Variants in KLF12 observed in about 807,000 individuals in gnomAD.
The protein encoded by KLF12 is KLF transcription factor 12.
In KLF12, 9 loss-of-function variants were observed where a neutral mutation model predicts 37.8. The observed-to-expected ratio is 0.24, with a 90% confidence interval of 0.14 to 0.42. The LOEUF is 0.42. KLF12 is among the 10% of genes least tolerant of loss of function. The probability of loss-of-function intolerance (pLI) is 1.00; values close to 1 mark genes in which losing one functional copy is unlikely to be tolerated. For missense variants in KLF12, 411 were observed against 516.0 expected (o/e 0.80, Z 1.97); for synonymous variants, 208 against 202.1 (o/e 1.03, Z -0.25).
chr13:74,191,744 T>A, the KLF12 span, among the ~76,000 whole-genome samples: 1 of 152,132 alleles, frequency 6.6e-6, no homozygotes, highest in Non-Finnish European at 1.5e-5. Context: ...AAAACAAAAT[T>A]TCTTAGAACA....
chr13:73,782,941 C>T (rs151208505), intron 5 of KLF12, among the ~76,000 whole-genome samples: 8 of 152,246 alleles, frequency 5.3e-5, no homozygotes, highest in African/African-American at 1.7e-4. Context: ...ATTGATTTAG[C>T]GTATTCTGTA....
At chr13:73,870,722 TA>T (rs1248469754) in intron 3 of KLF12, among the ~76,000 whole-genome samples, 1 of 152,226 alleles carries the variant, frequency 6.6e-6, no homozygotes, top group Non-Finnish European at 1.5e-5. Flanking sequence ...GGTGGAGGGA[TA>T]ATCACTGAGA....
At chr13:73,927,520 C>A (rs999651423) in intron 3 of KLF12, among the ~76,000 whole-genome samples, 4 of 152,156 alleles carry the variant, frequency 2.6e-5, no homozygotes, top group Non-Finnish European at 4.4e-5. Flanking sequence ...AGCTCTGTTT[C>A]CACCTCTAAC....
the KLF12 span, among the ~76,000 whole-genome samples, chr13:74,273,890 G>A: frequency 3.6e-4 from 54 of 151,984 alleles, no homozygotes; most frequent in African/African-American, 1.2e-3. Context: ...AGAATAATAC[G>A]AAGTATTATT....
the KLF12 span, among the ~76,000 whole-genome samples, chr13:74,191,600 T>G: frequency 3.9e-5 from 6 of 152,108 alleles, no homozygotes; most frequent in African/African-American, 7.2e-5. Flanking sequence ...TGGTCTCGGA[T>G]TTTTCCTGAC....
intron 1 of KLF12, among the ~76,000 whole-genome samples, chr13:74,025,845 A>G (rs1214924858): frequency 6.6e-6 from 1 of 152,214 alleles, no homozygotes; most frequent in Non-Finnish European, 1.5e-5. Flanking sequence ...GAGCCCAGGT[A>G]GATACAAAGG....
chr13:73,820,277 A>G (rs9530247), intron 4 of KLF12, among the ~76,000 whole-genome samples: 99,212 of 152,010 alleles, frequency 0.65, 33,702 homozygotes, highest in Non-Finnish European at 0.75. Context: ...TGCACACAGA[A>G]TCAGTTAAAA....
intron 1 of KLF12, among the ~76,000 whole-genome samples, chr13:74,031,147 A>G (rs1043822276): frequency 2.0e-5 from 3 of 152,174 alleles, no homozygotes; most frequent in Non-Finnish European, 4.4e-5. Flanking sequence ...GGACCATCAA[A>G]GCCCATCTTT....
chr13:73,737,171 T>A (rs1295988930), intron 6 of KLF12, among the ~76,000 whole-genome samples: 4 of 152,230 alleles, frequency 2.6e-5, no homozygotes, highest in Admixed American at 2.0e-4. Context: ...CAAGTCACTA[T>A]GGAGCTTAAT....
At chr13:74,013,074 T>G (rs983033565) in intron 1 of KLF12, among the ~76,000 whole-genome samples, 2 of 152,212 alleles carry the variant, frequency 1.3e-5, no homozygotes, top group Non-Finnish European at 2.9e-5. Flanking sequence ...CTTTAAGAGT[T>G]GGCAGTCTTC....
chr13:74,289,212 G>C, the KLF12 span: 1 of 152,164 alleles, frequency 6.6e-6, no homozygotes, highest in African/African-American at 2.4e-5. Flanking sequence ...CTTTGGTCCA[G>C]CCAGTTAAAA....
At chr13:74,278,721 G>A in the KLF12 span, among the ~76,000 whole-genome samples, 2 of 152,222 alleles carry the variant, frequency 1.3e-5, no homozygotes, top group South Asian at 4.1e-4. Flanking sequence ...TTAAAGGAGG[G>A]CTACTATCTC....
chr13:73,768,965 G>A (rs561945943), intron 5 of KLF12, among the ~76,000 whole-genome samples: 85 of 152,078 alleles, frequency 5.6e-4, no homozygotes, highest in African/African-American at 1.8e-3. Context: ...TAGCACCAGG[G>A]TCTTAAATAG....
At chr13:74,152,549 C>A in the KLF12 span, among the ~76,000 whole-genome samples, 1 of 152,056 alleles carries the variant, frequency 6.6e-6, no homozygotes, top group Non-Finnish European at 1.5e-5. Flanking sequence ...AAATAGAGGG[C>A]TCTTAGGCTG....
chr13:73,775,834 A>G (rs1347737195), intron 5 of KLF12, among the ~76,000 whole-genome samples: 3 of 152,228 alleles, frequency 2.0e-5, no homozygotes, highest in African/African-American at 7.2e-5. Context: ...AAAAAGAGGC[A>G]AAGTTAAAGT....
chr13:73,808,163 T>C (rs1168168808), intron 5 of KLF12, among the ~76,000 whole-genome samples: 1 of 152,174 alleles, frequency 6.6e-6, no homozygotes, highest in Non-Finnish European at 1.5e-5. Flanking sequence ...TTAAGGGTAA[T>C]GACCCTGTTT....
At chr13:73,968,379 G>A (rs531221202) in intron 2 of KLF12, among the ~76,000 whole-genome samples, 1 of 152,152 alleles carries the variant, frequency 6.6e-6, no homozygotes, top group African/African-American at 2.4e-5. Flanking sequence ...GTCACTGGTG[G>A]GGTCTCAGAC....
chr13:74,274,702 T>A, the KLF12 span, among the ~76,000 whole-genome samples: 10 of 152,168 alleles, frequency 6.6e-5, no homozygotes, highest in East Asian at 1.7e-3. Flanking sequence ...TTTTTATAAT[T>A]GAAGTTGAAT....
At position 74,079,207 on chromosome 13, in the gene KLF12, GAAC is replaced by G. The variant is rs1593881814; in HGVS notation, c.-32+54529_-32+54531del. On this transcript the variant is annotated intron_variant, in intron 1 of 7. Transcript: ENST00000377669. ...GTCAAATTCGTAGAGACACAAAATA[GAAC>G]GGGTACCAGGGGCTGAGGGGAATGA... is the stretch of plus-strand genomic sequence containing the variant. Among the ~76,000 whole-genome samples, 5 of 124,818 alleles carry G rather than the reference GAAC, an allele frequency of 4.0e-5. No homozygotes were observed. In the South Asian group the frequency reaches 1.2e-3, roughly 29 times the overall value. The allele number at this position is 124,818 out of a possible 152,430, so 81.9% of individuals were successfully genotyped here.
Sources: allele counts gnomAD v4.1 joint callset (sites outside exome capture counted in the v4.1 genomes callset), GRCh38; gene constraint gnomAD v4.1.1; transcripts MANE v1.5; gene names NCBI Gene and HGNC (gene_info 2026-07-23, HGNC 2026-07-21).